The following SH3RF2 variants were observed in gnomAD, a reference collection of about 807,000 sequenced individuals.
SH3RF2 encodes SH3 domain containing ring finger 2.
Under a neutral mutation model 59.0 loss-of-function variants are expected in SH3RF2, and 43 were observed. The observed-to-expected ratio is 0.73, with a 90% CI of 0.57 to 0.94. The LOEUF (loss-of-function observed/expected upper bound fraction) is 0.94. SH3RF2 is among the 40% of genes least tolerant of loss of function. The probability of loss-of-function intolerance (pLI) is 0.00; values close to 1 mark genes in which losing one functional copy is unlikely to be tolerated. For missense variants in SH3RF2, 930 were observed against 940.1 expected, an observed-to-expected ratio of 0.99 and a Z score of 0.14; for synonymous variants, 391 against 391.5, an observed-to-expected ratio of 1.00 and a Z score of 0.01.
intron 9 of SH3RF2, among the ~76,000 whole-genome samples, chr5:146,072,258 A>C (rs1252198076): frequency 5.9e-5 from 9 of 152,206 alleles, no homozygotes; most frequent in Non-Finnish European, 1.5e-5. Flanking sequence ...TGGGAAAATC[A>C]AGTGACACGA....
intron 5 of SH3RF2, among the ~76,000 whole-genome samples, chr5:146,033,300 G>T (rs986264501): frequency 6.6e-6 from 1 of 152,048 alleles, no homozygotes; most frequent in Non-Finnish European, 1.5e-5. Flanking sequence ...TTAAGGGCAA[G>T]GAGTATGCTT....
chr5:146,060,634 G>C (rs1159660782), intron 9 of SH3RF2, among the ~76,000 whole-genome samples: 1 of 152,222 alleles, frequency 6.6e-6, no homozygotes, highest in Non-Finnish European at 1.5e-5. Context: ...GGTAGAAAGA[G>C]TAATGGCCAC....
intron 5 of SH3RF2, among the ~76,000 whole-genome samples, chr5:146,024,683 C>T (rs1008829215): frequency 2.6e-5 from 4 of 152,114 alleles, no homozygotes; most frequent in Non-Finnish European, 5.9e-5. Flanking sequence ...ACAGTTTTTA[C>T]TCTAATGTTT....
chr5:146,024,697 T>C (rs2149999878), intron 5 of SH3RF2, among the ~76,000 whole-genome samples: 1 of 152,342 alleles, frequency 6.6e-6, no homozygotes, highest in South Asian at 2.1e-4. Context: ...AATGTTTAGA[T>C]TTTATGATCC....
At chr5:145,978,699 G>GA (rs933825802) in intron 2 of SH3RF2, among the ~76,000 whole-genome samples, 67 of 146,412 alleles carry the variant, frequency 4.6e-4, no homozygotes, top group African/African-American at 1.6e-3. Flanking sequence ...AAAAAAAAAA[G>GA]AAAAAAAACA....
chr5:145,995,429 T>G (rs1247440795), intron 2 of SH3RF2, among the ~76,000 whole-genome samples: 1 of 152,190 alleles, frequency 6.6e-6, no homozygotes, highest in African/African-American at 2.4e-5. Flanking sequence ...CTAACAGATT[T>G]GGGTCATTCC....
chr5:146,002,643 CAGG>C (rs1760476745), intron 3 of SH3RF2, among the ~76,000 whole-genome samples: 1 of 152,146 alleles, frequency 6.6e-6, no homozygotes, highest in Admixed American at 6.5e-5. Flanking sequence ...GGCCGCACAG[CAGG>C]AGGTGAGAGG....
chr5:146,045,448 A>G (rs560642189), intron 5 of SH3RF2, among the ~76,000 whole-genome samples: 1 of 152,366 alleles, frequency 6.6e-6, no homozygotes, highest in African/African-American at 2.4e-5. Flanking sequence ...TATCACTTCA[A>G]AAAGAAACCT....
chr5:146,033,934 C>A (rs1275272083), intron 5 of SH3RF2, among the ~76,000 whole-genome samples: 1 of 152,198 alleles, frequency 6.6e-6, no homozygotes, highest in Non-Finnish European at 1.5e-5. Flanking sequence ...ACAGAAGAGA[C>A]AATTGGAAGG....
In SH3RF2 at chr5:146,049,425, G is replaced by A. The variant is rs114934339; in HGVS notation, c.1322+180G>A. 4.2e-3 allele frequency among the ~76,000 whole-genome samples: 645 copies of A among 152,186 alleles called. 4 individuals carry two copies. The highest frequency in any genetic ancestry group is 0.015 in the African/African-American group (616 of 41,526). On this transcript the variant is annotated intron_variant, in intron 7 of 9. Coordinates refer to ENST00000359120, the MANE Select transcript of SH3RF2 (RefSeq NM_152550.4). ...AATAGCAAAACTAGTTATCTTTTTCGTAGCCCTTCACAGCTTACAAGCACT... is the reference window on the plus strand; with the variant it reads ...AATAGCAAAACTAGTTATCTTTTTCATAGCCCTTCACAGCTTACAAGCACT...
At chr5:145,981,632 C>T (rs1445353299) in intron 2 of SH3RF2, among the ~76,000 whole-genome samples, 5 of 152,186 alleles carry the variant, frequency 3.3e-5, no homozygotes, top group Non-Finnish European at 7.3e-5. Flanking sequence ...AACATGTTCA[C>T]CAGTCTCTGT....
intron 6 of SH3RF2, among the ~76,000 whole-genome samples, chr5:146,048,531 A>G (rs1762383178): frequency 6.6e-6 from 1 of 152,188 alleles, no homozygotes; most frequent in South Asian, 2.1e-4. Flanking sequence ...TTTAGAAAGA[A>G]AAAACAAAAC....
intron 2 of SH3RF2, among the ~76,000 whole-genome samples, chr5:145,972,900 A>G (rs1163577384): frequency 6.6e-6 from 1 of 152,202 alleles, no homozygotes; most frequent in African/African-American, 2.4e-5. Flanking sequence ...TTGCTGTTGC[A>G]GTCACAGTAC....
Position 146,048,991 on chromosome 5 carries a change from G to T in SH3RF2, c.1152-84G>T, listed in dbSNP as rs554787203. ...GGTTCTTATTGCTAACCACTGGGCA[G>T]TCTCTCTCCACCATTCCCCCACTCC... On this transcript the variant is annotated intron_variant, in intron 6 of 9. Transcript: ENST00000359120. 14 of 1,507,832 alleles carry T rather than the reference G, an allele frequency of 9.3e-6. No individual in the cohort carries two copies. In the East Asian group the frequency reaches 2.5e-4, roughly 27 times the overall value. The allele number at this position is 1,507,832 out of a possible 1,614,324, so 93.4% of individuals were successfully genotyped here. A position where few individuals can be genotyped will look rare whatever the true frequency, so the allele number is the denominator to read the frequency against.
chr5:146,029,223 G>A (rs1761655063), intron 5 of SH3RF2, among the ~76,000 whole-genome samples: 1 of 152,202 alleles, frequency 6.6e-6, no homozygotes, highest in East Asian at 1.9e-4. Context: ...GAGAGGCTAA[G>A]TATCTAGTTC....
intron 2 of SH3RF2, among the ~76,000 whole-genome samples, chr5:145,988,656 A>G (rs746310008): frequency 6.6e-5 from 10 of 152,162 alleles, no homozygotes; most frequent in Non-Finnish European, 1.2e-4. Context: ...AACAAAAACA[A>G]AAAACTCACG....
chr5:146,062,707 C>A lies in SH3RF2; in HGVS notation c.*6C>A, dbSNP rs150674980. On this transcript the variant is annotated 3_prime_UTR_variant, in exon 10 of 10. Coordinates refer to ENST00000359120, the MANE Select transcript of SH3RF2 (RefSeq NM_152550.4). Reference sequence around the variant, plus strand: ...CCGTGTTTCCCAGCAAATGAACCTACGGGTGGCTTTTCCTAGACCCCAAAG... The same window carrying A: ...CCGTGTTTCCCAGCAAATGAACCTAAGGGTGGCTTTTCCTAGACCCCAAAG... 2 of 1,609,492 alleles carry A rather than the reference C, an allele frequency of 1.2e-6. No individual in the cohort carries two copies. The highest frequency in any genetic ancestry group is 1.7e-4 in the Middle Eastern group (1 of 6,046).
At chr5:146,071,188 G>T (rs1357202392) in intron 9 of SH3RF2, among the ~76,000 whole-genome samples, 1 of 152,188 alleles carries the variant, frequency 6.6e-6, no homozygotes, top group Admixed American at 6.5e-5. Flanking sequence ...GCTAAAACAG[G>T]CCTGGAGGTC....
In SH3RF2 at chr5:146,049,246, G is replaced by C; in HGVS notation, c.1322+1G>C. On this transcript the variant is annotated splice_donor_variant, in intron 7 of 9. Transcript: ENST00000359120. LOFTEE classifies it high-confidence loss of function. Reference sequence around the variant, plus strand: ...ACAATTACGTCATCCCCATTTTCAGGTGTGTCGCCTCCAATCCCAGACTTT... The same window carrying C: ...ACAATTACGTCATCCCCATTTTCAGCTGTGTCGCCTCCAATCCCAGACTTT... 1 of 1,602,124 alleles carries C rather than the reference G, an allele frequency of 6.2e-7. No individual in the cohort carries two copies. Among genetic ancestry groups the C allele is most frequent in the Non-Finnish European group, 8.5e-7 (1 of 1,173,166 alleles).
Sources: allele counts gnomAD v4.1 joint callset (sites outside exome capture counted in the v4.1 genomes callset), GRCh38; gene constraint gnomAD v4.1.1; transcripts MANE v1.5; gene names NCBI Gene and HGNC (gene_info 2026-07-23, HGNC 2026-07-21).